Variants in CYP26B1 observed in about 807,000 individuals in gnomAD.
The protein encoded by CYP26B1 is cytochrome P450 family 26 subfamily B member 1.
Under a neutral mutation model 39.1 loss-of-function variants are expected in CYP26B1, and 8 were observed. That is an observed-to-expected ratio of 0.20 (90% confidence interval 0.12 to 0.37). The LOEUF (loss-of-function observed/expected upper bound fraction) is 0.37. Among genes scored for constraint, CYP26B1 ranks in the 10% least tolerant of loss-of-function variants. The probability of loss-of-function intolerance (pLI) is 1.00; values close to 1 mark genes in which losing one functional copy is unlikely to be tolerated. For synonymous variants in CYP26B1, 321 were observed against 314.3 expected (o/e 1.02, Z -0.23); for missense variants, 615 against 707.0 (o/e 0.87, Z 1.48).
chr2:72,139,645 C>T (rs1370182461), intron 2 of CYP26B1, among the ~76,000 whole-genome samples: 1 of 152,232 alleles, frequency 6.6e-6, no homozygotes, highest in Admixed American at 6.5e-5. Flanking sequence ...GAGGGGCGGG[C>T]AGCACTTGGC....
At chr2:72,144,567 C>G in intron 1 of CYP26B1, 5 of 900,632 alleles carry the variant, frequency 5.6e-6, no homozygotes, top group Non-Finnish European at 5.3e-6. Flanking sequence ...GGGAGCCTCT[C>G]GGAATAAATA....
intron 2 of CYP26B1, among the ~76,000 whole-genome samples, chr2:72,136,195 A>G (rs1676769704): frequency 6.6e-6 from 1 of 152,204 alleles, no homozygotes; most frequent in African/African-American, 2.4e-5. Context: ...ATAAGCAGCA[A>G]CGTCCATCCC....
intron 2 of CYP26B1, among the ~76,000 whole-genome samples, chr2:72,139,807 A>G (rs1030534609): frequency 6.6e-6 from 1 of 152,220 alleles, no homozygotes; most frequent in African/African-American, 2.4e-5. Context: ...ACCCACCAGA[A>G]GTCCTGAACT....
In CYP26B1 at chr2:72,132,146, G is replaced by C; in HGVS notation, c.*81C>G. 1 of 1,488,352 alleles carries C rather than the reference G, an allele frequency of 6.7e-7. No individual in the cohort carries two copies. The highest frequency in any genetic ancestry group is 9.1e-7 in the Non-Finnish European group (1 of 1,094,092). 92.2% of individuals were successfully genotyped at this position (1,488,352 alleles called of 1,614,324 possible). A position where few individuals can be genotyped will look rare whatever the true frequency, so the allele number is the denominator to read the frequency against. On this transcript the variant is annotated 3_prime_UTR_variant, in exon 6 of 6. Coordinates refer to ENST00000001146, the MANE Select transcript of CYP26B1 (RefSeq NM_019885.4). ...GGGGCCACTCGCCCTCCCCGTTCCG[G>C]CCCCCTCCCACACACAGGTTTCTAC... is the stretch of plus-strand genomic sequence containing the variant.
intron 2 of CYP26B1, among the ~76,000 whole-genome samples, chr2:72,136,490 C>T (rs1676781335): frequency 6.6e-6 from 1 of 152,244 alleles, no homozygotes; most frequent in Non-Finnish European, 1.5e-5. Flanking sequence ...GCTGGCCCTT[C>T]AGTGGCCCAG....
In CYP26B1 at chr2:72,135,664, C is replaced by T. The variant is rs546639977; in HGVS notation, c.430-245G>A. On this transcript the variant is annotated intron_variant, in intron 2 of 5. Coordinates refer to ENST00000001146, the MANE Select transcript of CYP26B1 (RefSeq NM_019885.4). ...GCCCTTCCATTGCAGAAGCCCATTT[C>T]GGAATCCCGGGACACAGGACGGAAG... Among the ~76,000 whole-genome samples the T allele has an allele frequency of 1.1e-4, 16 of 152,224 alleles. 1 individual carries two copies. In the South Asian group the frequency reaches 2.7e-3, roughly 26 times the overall value.
intron 2 of CYP26B1, 59 bp from the exon 3 acceptor site, chr2:72,135,478 C>A: frequency 1.3e-6 from 2 of 1,593,246 alleles, no homozygotes; most frequent in Admixed American, 1.7e-5. Context: ...CTGGCCAGCC[C>A]CTCACTCTGC....
At chr2:72,140,548 G>A (rs1408005061) in intron 2 of CYP26B1, among the ~76,000 whole-genome samples, 2 of 152,142 alleles carry the variant, frequency 1.3e-5, no homozygotes, top group Non-Finnish European at 2.9e-5. Context: ...GAGCCTGGTG[G>A]ACATGACTGT....
At chr2:72,137,047 G>A (rs982489398) in intron 2 of CYP26B1, among the ~76,000 whole-genome samples, 1 of 152,176 alleles carries the variant, frequency 6.6e-6, no homozygotes, top group Non-Finnish European at 1.5e-5. Flanking sequence ...GGTGGGACAG[G>A]GAGGGCCAGA....
chr2:72,140,954 C>G (rs1179471024), intron 2 of CYP26B1, among the ~76,000 whole-genome samples: 1 of 152,214 alleles, frequency 6.6e-6, no homozygotes, highest in Non-Finnish European at 1.5e-5. Context: ...CTGGGGTGCC[C>G]TGAGCTGCTG....
chr2:72,139,331 A>G (rs1302980492), intron 2 of CYP26B1, among the ~76,000 whole-genome samples: 2 of 152,220 alleles, frequency 1.3e-5, no homozygotes, highest in African/African-American at 4.8e-5. Context: ...ATATTCAAGC[A>G]AGGGGGGTAA....
chr2:72,137,543 A>G (rs1006304159), intron 2 of CYP26B1, among the ~76,000 whole-genome samples: 3 of 151,784 alleles, frequency 2.0e-5, no homozygotes, highest in Middle Eastern at 3.2e-3. Context: ...AGTGGCCAGG[A>G]GGGGCCATCC....
chr2:72,133,212 C>A lies in CYP26B1; in HGVS notation c.957G>T (p.Leu319=), dbSNP rs1258370012. ...IMQLLKHPTV[L]EKLRDELRAH... is the part of the protein sequence containing the mutation. ...CCCGCAGCTCATCCCGCAGCTTCTC[C>A]AGCACAGTGGGGTGCTTCAGCAGCT... The change falls in exon 5 of 6, where the codon CTG becomes CTT. Residue 319 remains leucine (L), a synonymous_variant. Coordinates refer to ENST00000001146, the MANE Select transcript of CYP26B1 (RefSeq NM_019885.4). The A allele has an allele frequency of 2.5e-6, 4 of 1,612,394 alleles. No homozygotes were observed. Among genetic ancestry groups the A allele is most frequent in the Admixed American group, 3.3e-5 (2 of 59,948 alleles).
intron 2 of CYP26B1, among the ~76,000 whole-genome samples, chr2:72,136,697 A>C (rs919596598): frequency 3.3e-5 from 5 of 152,152 alleles, no homozygotes; most frequent in Admixed American, 3.3e-4. Flanking sequence ...CACCTTGCCC[A>C]GTTTTGGGGG....
rs764435564 is a variant in CYP26B1 at position 72,134,755 on chromosome 2, C to T, written c.861+6G>A. On this transcript the variant is annotated splice_donor_region_variant and intron_variant, in intron 4 of 5. Coordinates refer to ENST00000001146, the MANE Select transcript of CYP26B1 (RefSeq NM_019885.4). ...GCTGCCCGTGAGGGGCACACGCCCA[C>T]CCCACCTTCAGCTCCTGCATGGTCA... 2 of 1,612,014 alleles carry T rather than the reference C, an allele frequency of 1.2e-6. No homozygotes were observed. The highest frequency in any genetic ancestry group is 2.7e-5 in the African/African-American group (2 of 74,992).
rs1478241293 is a variant in CYP26B1 at position 72,133,435 on chromosome 2, T to C, written c.862-128A>G. The C allele has an allele frequency of 3.3e-6, 4 of 1,195,966 alleles. No homozygotes were observed. The African/African-American group carries it at 6.0e-5, about 18-fold the overall frequency. The allele number at this position is 1,195,966 out of a possible 1,614,324, so 74.1% of individuals were successfully genotyped here. A position where few individuals can be genotyped will look rare whatever the true frequency, so the allele number is the denominator to read the frequency against. ...GCCCTGCCTGGTTCCTGCAGTGAAT[T>C]CTGCTTCCTCTGAGCTTCATGTTGC... On this transcript the variant is annotated intron_variant, in intron 4 of 5. Transcript: ENST00000001146.
intron 2 of CYP26B1, among the ~76,000 whole-genome samples, chr2:72,141,486 C>T (rs1296482240): frequency 3.9e-5 from 6 of 152,204 alleles, no homozygotes; most frequent in Non-Finnish European, 5.9e-5. Flanking sequence ...AACAGTGACG[C>T]TCCAGTTCCC....
chr2:72,143,452 C>T (rs1371684998), intron 2 of CYP26B1, among the ~76,000 whole-genome samples: 1 of 151,576 alleles, frequency 6.6e-6, no homozygotes, highest in Admixed American at 6.6e-5. Flanking sequence ...CGGCCCAGAC[C>T]CGTGCGCTCC....
rs114394163 is a variant in CYP26B1, at chr2:72,131,798, G to A, written c.*429C>T. 4.0e-3 allele frequency: 710 copies of A among 178,374 alleles called. 4 individuals carry two copies. Among genetic ancestry groups the A allele is most frequent in the African/African-American group, 0.016 (683 of 42,210 alleles). 11.0% of individuals were successfully genotyped at this position (178,374 alleles called of 1,614,324 possible). On this transcript the variant is annotated 3_prime_UTR_variant, in exon 6 of 6. Transcript: ENST00000001146. ...CTGTTCCTGGGCAGACGCAGTGGGG[G>A]CGCAGGAGGAGGAGACGCTGAAGAG...
Sources: allele counts gnomAD v4.1 joint callset (sites outside exome capture counted in the v4.1 genomes callset), GRCh38; gene constraint gnomAD v4.1.1; transcripts MANE v1.5; gene names NCBI Gene and HGNC (gene_info 2026-07-23, HGNC 2026-07-21).